LIPI: variants seen among roughly 807,000 people sequenced by gnomAD.
The protein encoded by LIPI is lipase I.
A neutral mutation model predicts 50.6 loss-of-function variants in LIPI; 59 were observed. The observed-to-expected ratio is 1.16, with a 90% confidence interval of 0.94 to 1.45. The LOEUF is 1.45. Among genes scored for constraint, LIPI ranks in the 40% most tolerant of loss-of-function variants. LIPI has a pLI of 0.00. For synonymous variants in LIPI, 203 were observed against 178.2 expected (o/e 1.14, Z -1.11); for missense variants, 586 against 536.3 (o/e 1.09, Z -0.92).
intron 8 of LIPI, among the ~76,000 whole-genome samples, chr21:14,151,852 AAAAC>A (rs1393700626): frequency 6.6e-6 from 1 of 152,044 alleles, no homozygotes; most frequent in Non-Finnish European, 1.5e-5. Flanking sequence ...GATTGAGAAA[AAAAC>A]AAAACCCTCC....
At chr21:14,126,520 A>G (rs953914006) in intron 9 of LIPI, among the ~76,000 whole-genome samples, 3 of 152,192 alleles carry the variant, frequency 2.0e-5, no homozygotes, top group African/African-American at 7.2e-5. Context: ...CAGATCAAAA[A>G]TATTTGGGGG....
chr21:14,120,873 G>A (rs547788423), intron 9 of LIPI, among the ~76,000 whole-genome samples: 9 of 152,280 alleles, frequency 5.9e-5, no homozygotes, highest in Admixed American at 5.9e-4. Context: ...ATTTCTATGT[G>A]CCATGCCTAA....
intron 9 of LIPI, among the ~76,000 whole-genome samples, chr21:14,140,787 T>G (rs1362925475): frequency 6.6e-6 from 1 of 152,126 alleles, no homozygotes; most frequent in Non-Finnish European, 1.5e-5. Flanking sequence ...GCATCAAATA[T>G]CTTTATTGTT....
In LIPI at chr21:14,207,005, T is replaced by G. The variant is rs763565379; in HGVS notation, c.46+3795A>C. 4.1e-5 allele frequency: 39 copies of G among 959,764 alleles called. 1 individual carries two copies. The highest frequency in any genetic ancestry group is 4.6e-5 in the Non-Finnish European group (27 of 592,122). The allele number at this position is 959,764 out of a possible 1,614,324, so 59.5% of individuals were successfully genotyped here. ...GGAAGACCCTTTTGGGCCAGCAGAA[T>G]TCCAAGTACGAAACAATTGACCCAC... On this transcript the variant is annotated intron_variant, in intron 1 of 9. Transcript: ENST00000681601.
chr21:14,204,491 A>G (rs2020170215), intron 1 of LIPI, among the ~76,000 whole-genome samples: 1 of 152,064 alleles, frequency 6.6e-6, no homozygotes. Flanking sequence ...GTGCAATTCT[A>G]AAATAATCTC....
intron 4 of LIPI, among the ~76,000 whole-genome samples, chr21:14,180,171 G>A (rs752732956): frequency 1.4e-4 from 22 of 152,148 alleles, no homozygotes; most frequent in East Asian, 9.7e-4. Flanking sequence ...GAAAAGCTCC[G>A]CCCTGGTAAC....
chr21:14,152,703 G>A lies in LIPI; in HGVS notation c.1007-19C>T, dbSNP rs764589188. 1.7e-6 allele frequency: 2 copies of A among 1,201,794 alleles called. No homozygotes were observed. The highest frequency in any genetic ancestry group is 2.5e-6 in the Non-Finnish European group (2 of 811,996). 74.4% of individuals were successfully genotyped at this position (1,201,794 alleles called of 1,614,324 possible). On this transcript the variant is annotated intron_variant, in intron 7 of 9. Transcript: ENST00000681601. ...TAATAGGCTACAAAATAAAAATATA[G>A]AATACAACTCACATTATTTTTTAAT...
chr21:14,127,593 A>G (rs905293986), intron 9 of LIPI, among the ~76,000 whole-genome samples: 1 of 152,104 alleles, frequency 6.6e-6, no homozygotes, highest in African/African-American at 2.4e-5. Flanking sequence ...CCTATTTTTT[A>G]CCTAACACAT....
At chr21:14,201,371 T>A (rs1388258641) in intron 1 of LIPI, among the ~76,000 whole-genome samples, 2 of 152,096 alleles carry the variant, frequency 1.3e-5, no homozygotes, top group African/African-American at 4.8e-5. Flanking sequence ...AACAAAGGTC[T>A]AATATCCAGA....
chr21:14,154,076 G>A (rs775746822), intron 7 of LIPI, among the ~76,000 whole-genome samples: 4 of 152,076 alleles, frequency 2.6e-5, no homozygotes, highest in East Asian at 3.9e-4. Context: ...AGATAGACAT[G>A]AATCTCTATT....
At chr21:14,112,484 C>T (rs1366993922) in intron 9 of LIPI, among the ~76,000 whole-genome samples, 1 of 151,934 alleles carries the variant, frequency 6.6e-6, no homozygotes, top group Non-Finnish European at 1.5e-5. Flanking sequence ...GGATATCTTT[C>T]ATTTATTTGT....
At chr21:14,128,840 C>T (rs1330499521) in intron 9 of LIPI, among the ~76,000 whole-genome samples, 1 of 152,074 alleles carries the variant, frequency 6.6e-6, no homozygotes, top group Non-Finnish European at 1.5e-5. Flanking sequence ...TATTATCTAA[C>T]TTTCTTAGTC....
intron 9 of LIPI, among the ~76,000 whole-genome samples, chr21:14,120,278 G>A (rs1451676170): frequency 6.6e-6 from 1 of 152,152 alleles, no homozygotes; most frequent in Non-Finnish European, 1.5e-5. Context: ...GCCAAGGCCC[G>A]CCCCCTAGCG....
At chr21:14,129,606 T>C (rs937059760) in intron 9 of LIPI, among the ~76,000 whole-genome samples, 1 of 151,904 alleles carries the variant, frequency 6.6e-6, no homozygotes, top group African/African-American at 2.4e-5. Context: ...AAAATTCTTA[T>C]GTAATATAAC....
chr21:14,208,467 AGTGGGAAACTATGTCCT>A (rs1265434359), intron 1 of LIPI, among the ~76,000 whole-genome samples: 2 of 152,330 alleles, frequency 1.3e-5, no homozygotes, highest in East Asian at 3.9e-4. Flanking sequence ...AGCACACAGG[AGTGGGAAACTATGTCCT>A]GTGGTCAAGT....
At chr21:14,154,394 A>T (rs2018204920) in intron 7 of LIPI, among the ~76,000 whole-genome samples, 1 of 152,058 alleles carries the variant, frequency 6.6e-6, no homozygotes, top group African/African-American at 2.4e-5. Context: ...AAAAAAAGAA[A>T]AAGACTGAGA....
rs182834292 is a variant in LIPI, at chr21:14,202,970, T to C, written c.46+7830A>G. Among the ~76,000 whole-genome samples, 848 of 151,092 alleles carry C rather than the reference T, an allele frequency of 5.6e-3. 7 individuals are homozygous for C. The highest frequency in any genetic ancestry group is 7.6e-3 in the Non-Finnish European group (513 of 67,502). On this transcript the variant is annotated intron_variant, in intron 1 of 9. Transcript: ENST00000681601. ...GCTAATATCCAGAATCTACAATGAA[T>C]TCAAACAAATTTACAAGAAAAAAAC...
intron 1 of LIPI, among the ~76,000 whole-genome samples, chr21:14,200,917 C>T (rs1432307445): frequency 6.6e-6 from 1 of 152,044 alleles, no homozygotes; most frequent in Non-Finnish European, 1.5e-5. Context: ...CAAAAGCAGA[C>T]ACATAAACCA....
chr21:14,158,958 G>A (rs180944314), intron 7 of LIPI, among the ~76,000 whole-genome samples: 1 of 151,244 alleles, frequency 6.6e-6, no homozygotes, highest in Non-Finnish European at 1.5e-5. Flanking sequence ...AATCCAAATA[G>A]TCTTAAAATT....
Sources: allele counts gnomAD v4.1 joint callset (sites outside exome capture counted in the v4.1 genomes callset), GRCh38; gene constraint gnomAD v4.1.1; transcripts MANE v1.5; gene names NCBI Gene and HGNC (gene_info 2026-07-23, HGNC 2026-07-21).